The following NUP133 variants were observed in gnomAD, a reference collection of about 807,000 sequenced individuals.
NUP133 encodes nucleoporin 133, also known as nuclear pore complex protein Nup133.
Under a neutral mutation model 146.2 loss-of-function variants are expected in NUP133, and 66 were observed. The observed-to-expected ratio is 0.45, with a 90% CI of 0.37 to 0.55. The LOEUF is 0.55. Among genes scored for constraint, NUP133 ranks in the 20% least tolerant of loss-of-function variants. NUP133 has a pLI of 0.00. For synonymous variants in NUP133, 521 were observed against 498.8 expected, an observed-to-expected ratio of 1.04 and a Z score of -0.59; for missense variants, 1,277 against 1,374.8, an observed-to-expected ratio of 0.93 and a Z score of 1.12.
chr1:229,459,403 T>C (rs1660643255), intron 20 of NUP133, among the ~76,000 whole-genome samples: 2 of 152,150 alleles, frequency 1.3e-5, no homozygotes, highest in Non-Finnish European at 2.9e-5. Flanking sequence ...AACTGAAACT[T>C]GTACCCTTTG....
In NUP133 at chr1:229,500,877, C is replaced by G. The variant is rs372428289; in HGVS notation, c.406-14G>C. 572 of 1,551,254 alleles carry G rather than the reference C, an allele frequency of 3.7e-4. No individual in the cohort carries two copies. Among genetic ancestry groups the G allele is most frequent in the Non-Finnish European group, 4.7e-4 (530 of 1,130,072 alleles). On this transcript the variant is annotated splice_polypyrimidine_tract_variant and intron_variant, in intron 3 of 25. Transcript: ENST00000261396. ...GCAAACGGATAACTGTAGAACAAACCCAAACAGAAAATCTTTCACATCAAA... is the reference window on the plus strand; with the variant it reads ...GCAAACGGATAACTGTAGAACAAACGCAAACAGAAAATCTTTCACATCAAA...
At chr1:229,506,811 C>A (rs1661952063) in intron 1 of NUP133, among the ~76,000 whole-genome samples, 1 of 124,514 alleles carries the variant, frequency 8.0e-6, no homozygotes, top group African/African-American at 2.9e-5. Flanking sequence ...AGAGTGAGAC[C>A]CTGTCTCTTT....
chr1:229,469,721 T>C (rs1234951007), intron 15 of NUP133, among the ~76,000 whole-genome samples: 1 of 152,246 alleles, frequency 6.6e-6, no homozygotes, highest in Non-Finnish European at 1.5e-5. Context: ...CTACTCCAAC[T>C]TCTGGCCTTA....
intron 2 of NUP133, 152 bp from the exon 3 acceptor site, chr1:229,502,254 T>A (rs556465387): frequency 1.7e-6 from 1 of 589,532 alleles, no homozygotes. Context: ...CCAAAAACAA[T>A]AGATCTATTA....
chr1:229,487,524 G>A lies in NUP133; in HGVS notation c.1284C>T (p.Cys428=), dbSNP rs748963583. Reference sequence around the variant, plus strand: ...GAGAAAATTTCCCAGTTCCTGTGGAGCACACATAGACAGCACTTTCGTTAT... The same window carrying A: ...GAGAAAATTTCCCAGTTCCTGTGGAACACACATAGACAGCACTTTCGTTAT... ...YLYNESAVYV[C]STGTGKFSLP... is the part of the protein sequence containing the mutation. Residue 428 remains cysteine, a synonymous_variant, in exon 10 of 26, where the codon TGC becomes TGT. Transcript: ENST00000261396. 5 of 1,613,708 alleles carry A rather than the reference G, an allele frequency of 3.1e-6. No homozygotes were observed. The South Asian group carries it at 5.5e-5, about 18-fold the overall frequency.
At chr1:229,473,647 G>A (rs1344659154) in intron 14 of NUP133, among the ~76,000 whole-genome samples, 1 of 152,164 alleles carries the variant, frequency 6.6e-6, no homozygotes, top group Non-Finnish European at 1.5e-5. Flanking sequence ...AATCACACTG[G>A]GCACAGTGGC....
chr1:229,479,503 T>A (rs1016878366), intron 12 of NUP133, among the ~76,000 whole-genome samples: 1 of 152,210 alleles, frequency 6.6e-6, no homozygotes, highest in Non-Finnish European at 1.5e-5. Flanking sequence ...ATATGCAATT[T>A]CAGGTATCCA....
At chr1:229,482,065 A>G (rs554833956) in intron 12 of NUP133, among the ~76,000 whole-genome samples, 26 of 152,376 alleles carry the variant, frequency 1.7e-4, no homozygotes, top group Non-Finnish European at 3.4e-4. Flanking sequence ...TGAAAGATAA[A>G]AACACAGTAC....
At chr1:229,497,908 T>C (rs1250938267) in intron 6 of NUP133, among the ~76,000 whole-genome samples, 1 of 152,250 alleles carries the variant, frequency 6.6e-6, no homozygotes, top group Non-Finnish European at 1.5e-5. Context: ...TCAAAAAATG[T>C]ACTTGTGAGA....
intron 2 of NUP133, among the ~76,000 whole-genome samples, chr1:229,503,526 T>C (rs1302130515): frequency 6.6e-6 from 1 of 152,202 alleles, no homozygotes; most frequent in African/African-American, 2.4e-5. Flanking sequence ...TAAGTATTGG[T>C]GGTAAACCTC....
chr1:229,450,171 C>T (rs1280575876), intron 23 of NUP133, among the ~76,000 whole-genome samples: 1 of 151,912 alleles, frequency 6.6e-6, no homozygotes, highest in African/African-American at 2.4e-5. Flanking sequence ...GCTGGGATTA[C>T]AGGCGTGAGC....
chr1:229,502,552 C>A (rs1260578539), intron 2 of NUP133, among the ~76,000 whole-genome samples: 2 of 109,380 alleles, frequency 1.8e-5, no homozygotes, highest in African/African-American at 7.6e-5. Context: ...GAGCCAGACT[C>A]CATCTCAAAA....
chr1:229,443,769 C>A (rs1571901112), intron 25 of NUP133, among the ~76,000 whole-genome samples: 2 of 144,964 alleles, frequency 1.4e-5, no homozygotes, highest in African/African-American at 5.1e-5. Context: ...CGCTCTGTCA[C>A]CCAGGCTGAA....
intron 9 of NUP133, among the ~76,000 whole-genome samples, chr1:229,488,336 A>G (rs1163116070): frequency 1.3e-5 from 2 of 152,212 alleles, no homozygotes; most frequent in African/African-American, 4.8e-5. Context: ...CCAAGATATT[A>G]ATGACAAGAA....
chr1:229,490,028 G>C lies in NUP133; in HGVS notation c.1121C>G (p.Thr374Arg). 1.2e-6 allele frequency: 2 copies of C among 1,611,926 alleles called. No homozygotes were observed. The highest frequency in any genetic ancestry group is 1.7e-6 in the Non-Finnish European group (2 of 1,178,504). Residue 374 changes from threonine to arginine, a missense_variant, in exon 9 of 26, where the codon ACA becomes AGA. Thr to Arg is a moderately conservative substitution (Grantham distance 71). This residue lies in a region of NUP133 where 952 missense variants were observed against 1,047.0 expected (regional missense o/e 0.91). Coordinates refer to ENST00000261396, the MANE Select transcript of NUP133 (RefSeq NM_018230.3). ...CATTTGGCAACCATTATCTTCTATT[G>C]TTATCAGAGAGTAATAGATGAGACA... is the stretch of plus-strand genomic sequence containing the variant. ...NPCLIYYSLI[T>R]IEDNGCQMSD...
rs748657208 is a variant in NUP133 at position 229,495,906 on chromosome 1, T to C, written c.961A>G (p.Thr321Ala). The C allele has an allele frequency of 1.3e-6, 2 of 1,595,768 alleles. No individual in the cohort carries two copies. The highest frequency in any genetic ancestry group is 1.7e-6 in the Non-Finnish European group (2 of 1,174,232). ...TTGTTTCTTACCCAAATAGCATCGG[T>C]AATGTTTTCCTTCAGGGCTCTATTT... Reference protein sequence around the residue: ...DINRALKENITDAIWGSESNY... With the variant: ...DINRALKENIADAIWGSESNY... Residue 321 changes from threonine to alanine, a missense_variant, in exon 7 of 26, where the codon ACC becomes GCC. By Grantham distance (58) the Thr-to-Ala change is moderately conservative. Coordinates refer to ENST00000261396, the MANE Select transcript of NUP133 (RefSeq NM_018230.3).
Position 229,484,917 on chromosome 1 carries a change from A to C in NUP133, c.1501-772T>G, listed in dbSNP as rs568118986. ...TAATCCCTTTTGTGAAAAGAAAAAA[A>C]AGTTAAAAATTGTTTCTTTCCTTTA... On this transcript the variant is annotated intron_variant, in intron 11 of 25. Coordinates refer to ENST00000261396, the MANE Select transcript of NUP133 (RefSeq NM_018230.3). 3.3e-5 allele frequency among the ~76,000 whole-genome samples: 5 copies of C among 152,312 alleles called. No homozygotes were observed. In the South Asian group the frequency reaches 8.3e-4, roughly 25 times the overall value.
At chr1:229,484,173 G>A (rs1661288657) in intron 11 of NUP133, 28 bp from the exon 12 acceptor site, 2 of 1,503,662 alleles carry the variant, frequency 1.3e-6, no homozygotes, top group African/African-American at 2.8e-5. Context: ...ATAGTTTAGA[G>A]GTAAAGGCAT....
chr1:229,484,794 A>T (rs1439504449), intron 11 of NUP133, among the ~76,000 whole-genome samples: 1 of 152,202 alleles, frequency 6.6e-6, no homozygotes, highest in Non-Finnish European at 1.5e-5. Context: ...TACAAAATAG[A>T]TATTAATCCT....
Sources: gnomAD v4.1 joint callset for allele counts (sites outside exome capture counted in the v4.1 genomes callset) on GRCh38, gnomAD v4.1.1 for gene constraint, gnomAD v4.1.1 regional missense constraint, MANE v1.5 for transcripts, NCBI Gene and HGNC (gene_info 2026-07-23, HGNC 2026-07-21) for gene names.